Variants in ZNF385D observed in about 807,000 individuals in gnomAD.
The protein encoded by ZNF385D is zinc finger protein 385D.
ZNF385D carries 15 observed loss-of-function variants against 35.8 expected under a neutral mutation model. That is an observed-to-expected ratio of 0.42 (90% CI 0.28 to 0.64). ZNF385D has a LOEUF of 0.64. Among genes scored for constraint, ZNF385D ranks in the 30% least tolerant of loss-of-function variants. ZNF385D has a pLI of 0.23. For missense variants in ZNF385D, 474 were observed against 494.6 expected, an observed-to-expected ratio of 0.96 and a Z score of 0.39; for synonymous variants, 212 against 186.8, an observed-to-expected ratio of 1.13 and a Z score of -1.10.
chr3:22,045,802 C>G (rs143526864), intron 3 of ZNF385D, among the ~76,000 whole-genome samples: 1 of 151,908 alleles, frequency 6.6e-6, no homozygotes, highest in African/African-American at 2.4e-5. Context: ...CATGACCTGG[C>G]GATTTCTATA....
chr3:21,916,803 C>G lies in ZNF385D; in HGVS notation c.326-251775G>C, dbSNP rs1240563074. 3.7e-4 allele frequency among the ~76,000 whole-genome samples: 56 copies of G among 152,172 alleles called. 3 individuals are homozygous for G. Among genetic ancestry groups the G allele is most frequent in the Admixed American group, 3.7e-3 (56 of 15,278 alleles). ...TAAACGAAAGCACTGTAATAGGTAA[C>G]TTTATTTGCCAAATATTCCTAGAAG... On this transcript the variant is annotated intron_variant, in intron 3 of 5. Transcript: ENST00000494108.
intron 3 of ZNF385D, among the ~76,000 whole-genome samples, chr3:22,036,531 G>C (rs1486383057): frequency 3.3e-5 from 5 of 151,836 alleles, no homozygotes; most frequent in Non-Finnish European, 7.4e-5. Flanking sequence ...GAAAGAAATA[G>C]TAGTGATATG....
intron 3 of ZNF385D, among the ~76,000 whole-genome samples, chr3:22,105,698 C>T (rs1439199942): frequency 6.6e-6 from 1 of 152,034 alleles, no homozygotes; most frequent in East Asian, 1.9e-4. Flanking sequence ...CAACCTTCCT[C>T]CACCTTTTTG....
At chr3:21,719,904 A>G (rs1460666790) in intron 1 of ZNF385D, among the ~76,000 whole-genome samples, 1 of 152,238 alleles carries the variant, frequency 6.6e-6, no homozygotes, top group Non-Finnish European at 1.5e-5. Context: ...CAACACAATC[A>G]GGAGAACTCT....
At chr3:22,362,626 A>T (rs1255605210) in intron 2 of ZNF385D, among the ~76,000 whole-genome samples, 1 of 152,084 alleles carries the variant, frequency 6.6e-6, no homozygotes, top group East Asian at 1.9e-4. Context: ...ACTCTTAAGG[A>T]AATTTATCTT....
chr3:21,596,659 G>A (rs78605095), intron 2 of ZNF385D, among the ~76,000 whole-genome samples: 1 of 134,460 alleles, frequency 7.4e-6, no homozygotes, highest in Non-Finnish European at 1.6e-5. Context: ...TTTTTTTTTG[G>A]TACAGTTGGG....
intron 2 of ZNF385D, among the ~76,000 whole-genome samples, chr3:22,321,033 T>C (rs753807492): frequency 6.6e-6 from 1 of 151,946 alleles, no homozygotes; most frequent in Non-Finnish European, 1.5e-5. Context: ...TATGATTTGA[T>C]ACATGCAAGC....
At chr3:21,682,669 T>C (rs2125318016) in intron 1 of ZNF385D, among the ~76,000 whole-genome samples, 1 of 150,198 alleles carries the variant, frequency 6.7e-6, no homozygotes, top group East Asian at 2.0e-4. Context: ...TAGAGCAAGT[T>C]AGAACTGGAT....
intron 2 of ZNF385D, among the ~76,000 whole-genome samples, chr3:21,655,258 A>G (rs900340688): frequency 5.3e-5 from 8 of 152,036 alleles, no homozygotes; most frequent in African/African-American, 1.4e-4. Context: ...TGATTATTCT[A>G]GTTTCACAGA....
chr3:21,755,289 T>C (rs533331327), upstream of ZNF385D, among the ~76,000 whole-genome samples: 1 of 152,204 alleles, frequency 6.6e-6, no homozygotes, highest in African/African-American at 2.4e-5. Flanking sequence ...TCCATTATCA[T>C]CTTTAAAAAT....
intron 2 of ZNF385D, among the ~76,000 whole-genome samples, chr3:22,344,683 A>G (rs1288539947): frequency 1.3e-5 from 2 of 152,074 alleles, no homozygotes; most frequent in East Asian, 1.9e-4. Flanking sequence ...CTGTCTCCCA[A>G]TGTGCTAGGA....
chr3:21,438,705 T>G (rs752930711), intron 4 of ZNF385D, among the ~76,000 whole-genome samples: 4 of 152,126 alleles, frequency 2.6e-5, no homozygotes, highest in Non-Finnish European at 5.9e-5. Flanking sequence ...CCTGCTAAGA[T>G]CATCAAGTAA....
chr3:21,793,829 T>A (rs1425554173), intron 3 of ZNF385D, among the ~76,000 whole-genome samples: 2 of 152,230 alleles, frequency 1.3e-5, no homozygotes, highest in Non-Finnish European at 2.9e-5. Context: ...CACAAAAAGT[T>A]AGATCTATTG....
At chr3:21,669,953 G>C (rs530417616) in intron 1 of ZNF385D, among the ~76,000 whole-genome samples, 31 of 152,226 alleles carry the variant, frequency 2.0e-4, no homozygotes, top group African/African-American at 6.5e-4. Flanking sequence ...TTGAACTTCT[G>C]CACTCAATCC....
chr3:21,990,525 A>G (rs544884464), intron 3 of ZNF385D, among the ~76,000 whole-genome samples: 112 of 152,310 alleles, frequency 7.4e-4, no homozygotes, highest in Non-Finnish European at 1.2e-3. Context: ...TTATGAGTTA[A>G]TATGTATTTC....
intron 3 of ZNF385D, among the ~76,000 whole-genome samples, chr3:21,843,278 G>A (rs931447410): frequency 6.6e-5 from 10 of 151,932 alleles, no homozygotes; most frequent in Admixed American, 1.3e-4. Flanking sequence ...GGGATTAACC[G>A]TAGCTCCTTT....
chr3:22,321,907 TTAAGA>T (rs1253682518), intron 2 of ZNF385D, among the ~76,000 whole-genome samples: 22 of 152,154 alleles, frequency 1.4e-4, no homozygotes, highest in African/African-American at 5.1e-4. Context: ...ATATTAATTT[TTAAGA>T]TAATTATTTC....
At chr3:22,236,093 A>G (rs985784674) in intron 2 of ZNF385D, among the ~76,000 whole-genome samples, 2 of 152,142 alleles carry the variant, frequency 1.3e-5, no homozygotes, top group African/African-American at 4.8e-5. Context: ...AATAATATAC[A>G]ATCAGCACAA....
chr3:22,102,688 C>A (rs1702000218), intron 3 of ZNF385D, among the ~76,000 whole-genome samples: 1 of 151,926 alleles, frequency 6.6e-6, no homozygotes, highest in South Asian at 2.1e-4. Flanking sequence ...AAGGCCTTAA[C>A]CTATATTTAA....
Sources: allele counts gnomAD v4.1 joint callset (sites outside exome capture counted in the v4.1 genomes callset), GRCh38; gene constraint gnomAD v4.1.1; transcripts MANE v1.5; gene names NCBI Gene and HGNC (gene_info 2026-07-23, HGNC 2026-07-21).